The following STK32B variants were observed in gnomAD, a reference collection of about 807,000 sequenced individuals.
STK32B encodes serine/threonine-protein kinase 32B.
A neutral mutation model predicts 52.6 loss-of-function variants in STK32B; 43 were observed. That is an observed-to-expected ratio of 0.82 (90% CI 0.64 to 1.05). The LOEUF (loss-of-function observed/expected upper bound fraction) is 1.05. Ranked by LOEUF, STK32B falls within the 50% of genes least tolerant of loss-of-function variation. The pLI, the probability that STK32B is intolerant of heterozygous loss-of-function variation, is 0.00. For synonymous variants in STK32B, 238 were observed against 204.3 expected (o/e 1.17, Z -1.41); for missense variants, 621 against 534.6 (o/e 1.16, Z -1.59).
intron 3 of STK32B, among the ~76,000 whole-genome samples, chr4:5,207,176 C>T (rs543136852): frequency 2.6e-5 from 4 of 152,186 alleles, no homozygotes; most frequent in Admixed American, 2.0e-4. Flanking sequence ...CGAGCCTGAA[C>T]GAATTCCTTC....
chr4:5,204,715 G>A (rs548610827), intron 3 of STK32B, among the ~76,000 whole-genome samples: 5 of 152,124 alleles, frequency 3.3e-5, no homozygotes, highest in Admixed American at 1.3e-4. Context: ...TGATCTGCCC[G>A]CCTCAGCCTC....
chr4:5,422,063 G>A lies in STK32B; in HGVS notation c.562+5129G>A, dbSNP rs530494629. Among the ~76,000 whole-genome samples the A allele has an allele frequency of 1.7e-4, 26 of 152,286 alleles. No individual in the cohort carries two copies. In the South Asian group the frequency reaches 2.9e-3, roughly 17 times the overall value. On this transcript the variant is annotated intron_variant, in intron 6 of 11. Coordinates refer to ENST00000282908, the MANE Select transcript of STK32B (RefSeq NM_018401.3). ...ATTGTCCCAGCTGTATGTGAGAGTC[G>A]GGGTTACTGATGGAAAAAGCTTTTC...
At chr4:5,101,068 G>T (rs903454433) in intron 1 of STK32B, among the ~76,000 whole-genome samples, 3 of 152,048 alleles carry the variant, frequency 2.0e-5, no homozygotes, top group African/African-American at 4.8e-5. Context: ...TGTTTGTAGA[G>T]ATCTGGGGGT....
At chr4:5,324,315 C>T (rs1439447820) in intron 3 of STK32B, among the ~76,000 whole-genome samples, 2 of 152,138 alleles carry the variant, frequency 1.3e-5, no homozygotes, top group African/African-American at 4.8e-5. Flanking sequence ...GATTGCACCA[C>T]TGCACCCCAG....
intron 3 of STK32B, among the ~76,000 whole-genome samples, chr4:5,302,959 T>G (rs983230588): frequency 6.6e-6 from 1 of 151,554 alleles, no homozygotes; most frequent in Admixed American, 6.6e-5. Context: ...CTGAGTAGTA[T>G]TCTATGGTAT....
At chr4:5,406,328 C>T (rs1451602045) in intron 5 of STK32B, among the ~76,000 whole-genome samples, 1 of 152,164 alleles carries the variant, frequency 6.6e-6, no homozygotes, top group East Asian at 1.9e-4. Flanking sequence ...GTGATTGTGG[C>T]TTTTCTAGGT....
intron 3 of STK32B, among the ~76,000 whole-genome samples, chr4:5,263,606 C>G (rs1439886271): frequency 4.6e-5 from 7 of 152,148 alleles, no homozygotes; most frequent in Non-Finnish European, 1.0e-4. Flanking sequence ...GAAAGCATGC[C>G]CTTGTGTTGG....
chr4:5,411,377 G>T (rs1711657417), intron 5 of STK32B, among the ~76,000 whole-genome samples: 1 of 152,178 alleles, frequency 6.6e-6, no homozygotes, highest in African/African-American at 2.4e-5. Flanking sequence ...GTATCCATGG[G>T]TTCAGTTCAA....
At chr4:5,439,997 GT>G (rs1714555677) in intron 6 of STK32B, among the ~76,000 whole-genome samples, 2 of 152,258 alleles carry the variant, frequency 1.3e-5, no homozygotes, top group South Asian at 2.1e-4. Context: ...TGCTGTTTTG[GT>G]TACTGTAGTC....
At chr4:5,327,540 A>G (rs2108948573) in intron 3 of STK32B, among the ~76,000 whole-genome samples, 1 of 152,090 alleles carries the variant, frequency 6.6e-6, no homozygotes, top group African/African-American at 2.4e-5. Context: ...GGTGACTAAG[A>G]GTGGTAATAT....
intron 4 of STK32B, among the ~76,000 whole-genome samples, chr4:5,350,736 A>C (rs1243880547): frequency 2.0e-5 from 3 of 152,110 alleles, no homozygotes; most frequent in African/African-American, 7.2e-5. Flanking sequence ...TATCCTGCCT[A>C]CCAGAAATGT....
At chr4:5,112,123 A>C (rs910918533) in intron 1 of STK32B, among the ~76,000 whole-genome samples, 2 of 152,160 alleles carry the variant, frequency 1.3e-5, no homozygotes, top group Non-Finnish European at 2.9e-5. Context: ...TGTGCAGGGC[A>C]GAAGGGGTTC....
At chr4:5,312,880 TG>T (rs1472807177) in intron 3 of STK32B, among the ~76,000 whole-genome samples, 1 of 152,122 alleles carries the variant, frequency 6.6e-6, no homozygotes, top group Non-Finnish European at 1.5e-5. Flanking sequence ...CCACAATGGA[TG>T]GTTGAACTAG....
At chr4:5,405,430 GT>G (rs1737592173) in intron 5 of STK32B, among the ~76,000 whole-genome samples, 1 of 152,170 alleles carries the variant, frequency 6.6e-6, no homozygotes, top group Admixed American at 6.5e-5. Flanking sequence ...GAATGTTTGT[GT>G]CCCCACAAAA....
the STK32B span, among the ~76,000 whole-genome samples, chr4:5,033,075 ATTATTAT>A: frequency 6.6e-6 from 1 of 152,108 alleles, no homozygotes; most frequent in Admixed American, 6.6e-5. Flanking sequence ...GAGATTTGCT[ATTATTAT>A]TTATGTAACT....
At chr4:5,048,332 CTGT>C (rs1189296059), upstream of STK32B, among the ~76,000 whole-genome samples, 1 of 143,254 alleles carries the variant, frequency 7.0e-6, no homozygotes, top group African/African-American at 2.6e-5. Context: ...TGGAGTCTCA[CTGT>C]TGTTGCCCAG....
intron 4 of STK32B, among the ~76,000 whole-genome samples, chr4:5,353,241 C>T (rs569029155): frequency 5.3e-5 from 8 of 152,004 alleles, no homozygotes; most frequent in Admixed American, 1.3e-4. Context: ...TCACCATATA[C>T]AAAAAACAAC....
intron 1 of STK32B, among the ~76,000 whole-genome samples, chr4:5,119,786 A>G (rs534737062): frequency 2.6e-5 from 4 of 152,352 alleles, no homozygotes; most frequent in East Asian, 1.9e-4. Context: ...ATGCTTTCGT[A>G]TTCTGAAGCT....
intron 7 of STK32B, among the ~76,000 whole-genome samples, chr4:5,448,334 G>A (rs1267603037): frequency 2.6e-5 from 4 of 152,184 alleles, no homozygotes; most frequent in African/African-American, 4.8e-5. Context: ...GTTCCTGCTC[G>A]GTTCGTTTCC....
Sources: allele counts gnomAD v4.1 joint callset (sites outside exome capture counted in the v4.1 genomes callset), GRCh38; gene constraint gnomAD v4.1.1; transcripts MANE v1.5; gene names NCBI Gene and HGNC (gene_info 2026-07-23, HGNC 2026-07-21).